The following ZNF366 variants were observed in gnomAD, a reference collection of about 807,000 sequenced individuals.
ZNF366 encodes dendritic cell-specific transcript protein.
In ZNF366, 20 loss-of-function variants were observed where a neutral mutation model predicts 47.2. That is an observed-to-expected ratio of 0.42 (90% CI 0.30 to 0.62). ZNF366 has a LOEUF of 0.62. Ranked by LOEUF, ZNF366 falls within the 20% of genes least tolerant of loss-of-function variation. ZNF366 has a pLI of 0.16. For missense variants in ZNF366, 987 were observed against 976.3 expected, an observed-to-expected ratio of 1.01 and a Z score of -0.15; for synonymous variants, 421 against 395.1, an observed-to-expected ratio of 1.07 and a Z score of -0.78.
At chr5:72,445,963 C>T (rs7710292) in intron 4 of ZNF366, among the ~76,000 whole-genome samples, 73,337 of 152,092 alleles carry the variant, frequency 0.48, 19,760 homozygotes, top group East Asian at 0.86. Flanking sequence ...TCAGCGGGTA[C>T]TGTAAAAAAC....
At chr5:72,483,276 A>G (rs951747470) in intron 1 of ZNF366, among the ~76,000 whole-genome samples, 1 of 152,192 alleles carries the variant, frequency 6.6e-6, no homozygotes, top group Non-Finnish European at 1.5e-5. Context: ...TTCATCCTCT[A>G]TCATGATGTT....
In ZNF366 at chr5:72,460,425, T is replaced by C. The variant is rs909552381; in HGVS notation, c.1072A>G (p.Lys358Glu). The C allele has an allele frequency of 1.9e-6, 3 of 1,614,166 alleles. No homozygotes were observed. The highest frequency in any genetic ancestry group is 1.7e-6 in the Non-Finnish European group (2 of 1,180,020). Residue 358 changes from lysine to glutamate, a missense_variant, in exon 2 of 5, where the codon AAG becomes GAG. This residue lies in a region of ZNF366 where 591 missense variants were observed against 560.9 expected (regional missense o/e 1.05). Transcript: ENST00000318442. ...ATGTTCTCGCGCCCACTGGCGTGCT[T>C]GGCTTCGTGGGCCTTGAGCTCGCTG... ...YPSELKAHEA[K>E]HASGRENICV... is the part of the protein sequence containing the mutation.
At chr5:72,453,594 C>T (rs562049583) in intron 3 of ZNF366, among the ~76,000 whole-genome samples, 14 of 152,364 alleles carry the variant, frequency 9.2e-5, no homozygotes, top group Non-Finnish European at 1.6e-4. Flanking sequence ...AGATGGCTCA[C>T]GCCACCATGT....
At chr5:72,477,734 A>G (rs1743703250) in intron 1 of ZNF366, among the ~76,000 whole-genome samples, 1 of 152,212 alleles carries the variant, frequency 6.6e-6, no homozygotes, top group South Asian at 2.1e-4. Flanking sequence ...GAAGTAAGGG[A>G]TCAGACCGTA....
chr5:72,479,418 A>T (rs978295196), intron 1 of ZNF366, among the ~76,000 whole-genome samples: 1 of 151,954 alleles, frequency 6.6e-6, no homozygotes, highest in Non-Finnish European at 1.5e-5. Flanking sequence ...AAAATTAAAA[A>T]ATTAAAAATT....
At chr5:72,482,746 T>TTTTGTGTG (rs1554032794) in intron 1 of ZNF366, among the ~76,000 whole-genome samples, 1 of 140,970 alleles carries the variant, frequency 7.1e-6, no homozygotes, top group East Asian at 2.1e-4. Flanking sequence ...CATTTCTATT[T>TTTTGTGTG]TGTGTGTGTG....
Position 72,442,651 on chromosome 5 carries a change from C to CTTTTTTTT in ZNF366, c.*1097_*1104dup. 1 of 91,620 alleles carries CTTTTTTTT rather than the reference C, an allele frequency of 1.1e-5. No homozygotes were observed. Among genetic ancestry groups the CTTTTTTTT allele is most frequent in the African/African-American group, 4.0e-5 (1 of 25,032 alleles). 5.7% of individuals were successfully genotyped at this position (91,620 alleles called of 1,614,324 possible). A position where few individuals can be genotyped will look rare whatever the true frequency, so the allele number is the denominator to read the frequency against. ...GGTGACAAGTCTTCCTGCATCTGTC[C>CTTTTTTTT]TTTTTTTTTTTTTTTTTTTTTTGAG... is the stretch of plus-strand genomic sequence containing the variant. On this transcript the variant is annotated 3_prime_UTR_variant, in exon 5 of 5. Transcript: ENST00000318442.
chr5:72,444,090 C>T lies in ZNF366; in HGVS notation c.1901G>A (p.Gly634Asp), dbSNP rs1263970572. 4 of 1,613,980 alleles carry T rather than the reference C, an allele frequency of 2.5e-6. No individual in the cohort carries two copies. The highest frequency in any genetic ancestry group is 8.5e-7 in the Non-Finnish European group (1 of 1,180,028). ...NCYEVEPYSP[G>D]LAPQSQQLCT... ...GAGCTGCTGGCTCTGGGGGGCCAGG[C>T]CAGGGCTGTAGGGCTCCACCTCGTA... Residue 634 changes from glycine (G) to aspartate (D), a missense_variant, in exon 5 of 5, where the codon GGC becomes GAC. Transcript: ENST00000318442.
chr5:72,505,762 G>C (rs931525640), intron 1 of ZNF366, among the ~76,000 whole-genome samples: 1 of 152,324 alleles, frequency 6.6e-6, no homozygotes, highest in East Asian at 1.9e-4. Flanking sequence ...TAATGCCCTC[G>C]ACAATCTATT....
chr5:72,472,464 A>G (rs1743586805), intron 1 of ZNF366: 1 of 767,720 alleles, frequency 1.3e-6, no homozygotes, highest in Non-Finnish European at 1.6e-6. Flanking sequence ...CCCTTTCCCA[A>G]CCAGTGCCAC....
At chr5:72,484,274 G>A (rs1743844395) in intron 1 of ZNF366, among the ~76,000 whole-genome samples, 1 of 151,786 alleles carries the variant, frequency 6.6e-6, no homozygotes, top group Non-Finnish European at 1.5e-5. Context: ...CACGAGGTCA[G>A]GAGATCGAGA....
At chr5:72,480,812 G>A (rs1406853067) in intron 1 of ZNF366, among the ~76,000 whole-genome samples, 1 of 152,160 alleles carries the variant, frequency 6.6e-6, no homozygotes, top group African/African-American at 2.4e-5. Context: ...ATTGCCTATA[G>A]TTTCTAAAAC....
intron 4 of ZNF366, among the ~76,000 whole-genome samples, chr5:72,444,526 C>T (rs1742923108): frequency 6.6e-6 from 1 of 152,128 alleles, no homozygotes; most frequent in East Asian, 1.9e-4. Flanking sequence ...TAAGCTTTGA[C>T]TTAGCAATTA....
rs1230239248 is a variant in ZNF366 at position 72,442,311 on chromosome 5, A to C, written c.*1445T>G. 1 of 152,160 alleles carries C rather than the reference A, an allele frequency of 6.6e-6. No homozygotes were observed. Among genetic ancestry groups the C allele is most frequent in the Admixed American group, 6.5e-5 (1 of 15,276 alleles). 9.4% of individuals were successfully genotyped at this position (152,160 alleles called of 1,614,324 possible). A position where few individuals can be genotyped will look rare whatever the true frequency, so the allele number is the denominator to read the frequency against. ...TGGTGAGTTCTATTTTAGTCCCCTC[A>C]ATCTTCTCAATCTTGGCTGCACATA... On this transcript the variant is annotated 3_prime_UTR_variant, in exon 5 of 5. Transcript: ENST00000318442.
At chr5:72,493,555 C>T (rs544059060) in intron 1 of ZNF366, 7 of 152,232 alleles carry the variant, frequency 4.6e-5, no homozygotes, top group African/African-American at 1.7e-4. Context: ...ATGTTCTTTG[C>T]TGTCAGAAGA....
rs1742899568 is a variant in ZNF366 at position 72,443,652 on chromosome 5, G to C, written c.*104C>G. 1.6e-6 allele frequency: 2 copies of C among 1,244,078 alleles called. No individual in the cohort carries two copies. The highest frequency in any genetic ancestry group is 4.8e-5 in the Admixed American group (2 of 41,458). 77.1% of individuals were successfully genotyped at this position (1,244,078 alleles called of 1,614,324 possible). On this transcript the variant is annotated 3_prime_UTR_variant, in exon 5 of 5. Transcript: ENST00000318442. Reference sequence around the variant, plus strand: ...TCATTTAGTCTAAGCCATTTGTAGAGATTGGTACTATTCGCCAGTCTCCAG... The same window carrying C: ...TCATTTAGTCTAAGCCATTTGTAGACATTGGTACTATTCGCCAGTCTCCAG...
Position 72,440,570 on chromosome 5 carries a change from A to G in ZNF366, c.*3186T>C, listed in dbSNP as rs1182411029. The stretch of plus-strand genomic sequence containing the variant: ...CCCTTAGTTCTCTGAGATGGCCCAC[A>G]TGGACTCTCCTTCAAGGCTTGCCTT... On this transcript the variant is annotated 3_prime_UTR_variant, in exon 5 of 5. Transcript: ENST00000318442. The G allele has an allele frequency of 6.6e-6, 1 of 152,232 alleles. No homozygotes were observed. The highest frequency in any genetic ancestry group is 2.4e-5 in the African/African-American group (1 of 41,464). The allele number at this position is 152,232 out of a possible 1,614,324, so 9.4% of individuals were successfully genotyped here. A position where few individuals can be genotyped will look rare whatever the true frequency, so the allele number is the denominator to read the frequency against.
At chr5:72,455,203 C>T (rs1257076629) in intron 3 of ZNF366, among the ~76,000 whole-genome samples, 1 of 152,096 alleles carries the variant, frequency 6.6e-6, no homozygotes, top group African/African-American at 2.4e-5. Context: ...TGGACAATGC[C>T]CACACAGGTC....
chr5:72,463,464 G>T lies in ZNF366; in HGVS notation c.-14-1954C>A, dbSNP rs143738614. Among the ~76,000 whole-genome samples, 19 of 152,288 alleles carry T rather than the reference G, an allele frequency of 1.2e-4. 1 individual carries two copies. The East Asian group carries it at 2.3e-3, about 19-fold the overall frequency. On this transcript the variant is annotated intron_variant, in intron 1 of 4. Transcript: ENST00000318442. ...ATAGCCCTGGCTTGTCTTTCTTACC[G>T]TGGGTTTGGGGCTTAGTAATTATGA...
Sources: gnomAD v4.1 joint callset for allele counts (sites outside exome capture counted in the v4.1 genomes callset) on GRCh38, gnomAD v4.1.1 for gene constraint, gnomAD v4.1.1 regional missense constraint, MANE v1.5 for transcripts, NCBI Gene and HGNC (gene_info 2026-07-23, HGNC 2026-07-21) for gene names.